Variants in KCND3 observed in about 807,000 individuals in gnomAD.
KCND3 encodes the protein A-type voltage-gated potassium channel KCND3.
In KCND3, 9 loss-of-function variants were observed where a neutral mutation model predicts 51.1. That is an observed-to-expected ratio of 0.18 (90% CI 0.11 to 0.31). The LOEUF is 0.31. Ranked by LOEUF, KCND3 falls within the 10% of genes least tolerant of loss-of-function variation. KCND3 has a pLI of 1.00. For missense variants in KCND3, 526 were observed against 903.8 expected (o/e 0.58, Z 5.36); for synonymous variants, 349 against 368.0 (o/e 0.95, Z 0.59).
intron 2 of KCND3, among the ~76,000 whole-genome samples, chr1:111,936,115 C>T (rs1206933257): frequency 1.3e-5 from 2 of 152,152 alleles, no homozygotes; most frequent in African/African-American, 2.4e-5. Context: ...ACAGACTGCC[C>T]CTGTATGTAT....
Position 111,982,607 on chromosome 1 carries a change from C to G in KCND3, c.120G>C (p.Glu40Asp), listed in dbSNP as rs752774119. ...APADKNKRQD[E>D]LIVLNVSGRR... ...GCCCACTCACGTTGAGGACAATCAG[C>G]TCATCCTGCCGCTTGTTCTTGTCGG... Residue 40 changes from glutamate (E) to aspartate (D), a missense_variant, in exon 2 of 8, where the codon GAG (glutamate) becomes GAC (aspartate). Coordinates refer to ENST00000302127, the MANE Select transcript of KCND3 (RefSeq NM_001378969.1). The surrounding 1 kb of genome is among the most constrained non-coding windows in gnomAD (Gnocchi z 8.5). 6.2e-7 allele frequency: 1 copy of G among 1,613,920 alleles called. No individual in the cohort carries two copies. The highest frequency in any genetic ancestry group is 8.5e-7 in the Non-Finnish European group (1 of 1,179,874).
In KCND3 at chr1:111,792,153, C is replaced by T. The variant is rs576286064; in HGVS notation, c.1107-5047G>A. ...CTCAAGGAAATCAAAGGAATGGGGA[C>T]GTTTGGCCCGAAGAAGAGGAGTTGG... On this transcript the variant is annotated intron_variant, in intron 2 of 7. Coordinates refer to ENST00000302127, the MANE Select transcript of KCND3 (RefSeq NM_001378969.1). Among the ~76,000 whole-genome samples the T allele has an allele frequency of 2.6e-5, 4 of 152,232 alleles. 1 individual carries two copies. Among genetic ancestry groups the T allele is most frequent in the African/African-American group, 7.2e-5 (3 of 41,542 alleles).
At chr1:111,839,179 G>A (rs1185397101) in intron 2 of KCND3, among the ~76,000 whole-genome samples, 1 of 152,212 alleles carries the variant, frequency 6.6e-6, no homozygotes, top group Non-Finnish European at 1.5e-5. Context: ...CATGTCCTTT[G>A]TTCCATGTGC....
intron 2 of KCND3, among the ~76,000 whole-genome samples, chr1:111,856,042 C>G (rs1000686523): frequency 6.6e-6 from 1 of 152,232 alleles, no homozygotes; most frequent in African/African-American, 2.4e-5. Context: ...CCAGGACCCC[C>G]ACTGGCCAAA....
chr1:111,871,344 A>T (rs1668820889), intron 2 of KCND3, among the ~76,000 whole-genome samples: 2 of 152,242 alleles, frequency 1.3e-5, no homozygotes, highest in Non-Finnish European at 2.9e-5. Context: ...TGAAGGAATG[A>T]TGAAGGAGTG....
In KCND3 at chr1:111,803,129, G is replaced by A. The variant is rs1312942066; in HGVS notation, c.1107-16023C>T. ...TAAGTCTCTGGTTCTTTGAGCCTTTGCCTTTTTTCTCTCTGTTTCCTGCCC... is the reference window on the plus strand; with the variant it reads ...TAAGTCTCTGGTTCTTTGAGCCTTTACCTTTTTTCTCTCTGTTTCCTGCCC... On this transcript the variant is annotated intron_variant, in intron 2 of 7. Coordinates refer to ENST00000302127, the MANE Select transcript of KCND3 (RefSeq NM_001378969.1). Among the ~76,000 whole-genome samples the A allele has an allele frequency of 6.6e-5, 10 of 152,258 alleles. No individual in the cohort carries two copies. The East Asian group carries it at 1.9e-3, about 29-fold the overall frequency.
intron 2 of KCND3, among the ~76,000 whole-genome samples, chr1:111,827,221 T>C (rs1666617846): frequency 6.6e-6 from 1 of 152,220 alleles, no homozygotes; most frequent in Non-Finnish European, 1.5e-5. Context: ...TATGTTGCTA[T>C]GAGAACAGAT....
At chr1:111,887,242 C>T (rs1468666487) in intron 2 of KCND3, among the ~76,000 whole-genome samples, 2 of 152,194 alleles carry the variant, frequency 1.3e-5, no homozygotes, top group African/African-American at 2.4e-5. Context: ...GGGTATTATG[C>T]TTCCTGACTC....
chr1:111,778,573 A>G (rs769760762), intron 5 of KCND3, 81 bp from the exon 6 acceptor site: 24 of 1,313,950 alleles, frequency 1.8e-5, no homozygotes, highest in Admixed American at 3.4e-5. Flanking sequence ...TTGACATTCA[A>G]TCTCTTGATC....
Position 111,982,893 on chromosome 1 carries a change from G to A in KCND3, c.-72-95C>T. 2.1e-6 allele frequency: 2 copies of A among 930,952 alleles called. No homozygotes were observed. The highest frequency in any genetic ancestry group is 4.2e-5 in the Admixed American group (2 of 47,386). 57.7% of individuals were successfully genotyped at this position (930,952 alleles called of 1,614,324 possible). A position where few individuals can be genotyped will look rare whatever the true frequency, so the allele number is the denominator to read the frequency against. ...GGAAAGGATCACTGGTGAGTGAAAC[G>A]GCCAAAGTCTCCAGGGCAGATTAAT... On this transcript the variant is annotated intron_variant, in intron 1 of 7. Transcript: ENST00000302127. The surrounding 1 kb of genome is among the most constrained non-coding windows in gnomAD (Gnocchi z 8.5).
At chr1:111,842,356 G>A (rs1557972040) in intron 2 of KCND3, among the ~76,000 whole-genome samples, 1 of 152,186 alleles carries the variant, frequency 6.6e-6, no homozygotes, top group African/African-American at 2.4e-5. Context: ...CATCCCTGTG[G>A]GGAGCAGTCA....
At chr1:111,809,314 CTT>C (rs869227221) in intron 2 of KCND3, among the ~76,000 whole-genome samples, 3 of 60,854 alleles carry the variant, frequency 4.9e-5, no homozygotes, top group Non-Finnish European at 6.6e-5. Context: ...ATTTTTCTTT[CTT>C]TTTTTTTTTT....
chr1:111,873,101 C>T (rs900673921), intron 2 of KCND3, among the ~76,000 whole-genome samples: 7 of 152,228 alleles, frequency 4.6e-5, no homozygotes, highest in African/African-American at 2.4e-5. Context: ...GTCCCAGTGT[C>T]CGAAGAAGCT....
chr1:111,899,090 C>T (rs1670261586), intron 2 of KCND3, among the ~76,000 whole-genome samples: 2 of 152,180 alleles, frequency 1.3e-5, no homozygotes, highest in African/African-American at 4.8e-5. Flanking sequence ...CATCCTTACT[C>T]CACAGTGCTT....
chr1:111,929,511 G>A (rs1037490971), intron 2 of KCND3, among the ~76,000 whole-genome samples: 1 of 152,196 alleles, frequency 6.6e-6, no homozygotes, highest in Non-Finnish European at 1.5e-5. Context: ...ACCCGGAGAT[G>A]CACCTCCTAA....
At chr1:111,874,126 T>G (rs1343702268) in intron 2 of KCND3, among the ~76,000 whole-genome samples, 1 of 152,228 alleles carries the variant, frequency 6.6e-6, no homozygotes, top group Non-Finnish European at 1.5e-5. Context: ...ATTTCCATAC[T>G]GGTTGAAGCA....
At chr1:111,947,326 A>G (rs1219563862) in intron 2 of KCND3, among the ~76,000 whole-genome samples, 1 of 152,256 alleles carries the variant, frequency 6.6e-6, no homozygotes, top group Non-Finnish European at 1.5e-5. Flanking sequence ...TGCTAGGGAT[A>G]TAACAGTGAG....
At chr1:111,867,764 A>G (rs1557988083) in intron 2 of KCND3, among the ~76,000 whole-genome samples, 1 of 152,218 alleles carries the variant, frequency 6.6e-6, no homozygotes, top group East Asian at 1.9e-4. Context: ...TGAAGAGTAG[A>G]ATTTTTGATT....
At chr1:111,914,253 GCAA>G (rs1671088290) in intron 2 of KCND3, among the ~76,000 whole-genome samples, 1 of 139,610 alleles carries the variant, frequency 7.2e-6, no homozygotes, top group Non-Finnish European at 1.5e-5. Flanking sequence ...TCAAAATAAA[GCAA>G]AGAAGGAAAA....
Sources: gnomAD v4.1 joint callset for allele counts (sites outside exome capture counted in the v4.1 genomes callset) on GRCh38, gnomAD v4.1.1 for gene constraint, Gnocchi (gnomAD v3.1) non-coding constraint, MANE v1.5 for transcripts, NCBI Gene and HGNC (gene_info 2026-07-23, HGNC 2026-07-21) for gene names.